The following COL21A1 variants were observed in gnomAD, a reference collection of about 807,000 sequenced individuals.
COL21A1 encodes collagen type XXI alpha 1 chain.
A neutral mutation model predicts 137.9 loss-of-function variants in COL21A1; 149 were observed. The observed-to-expected ratio is 1.08, with a 90% CI of 0.95 to 1.24. The LOEUF (loss-of-function observed/expected upper bound fraction) is 1.24, where lower values mean the gene tolerates loss of function less well. Among genes scored for constraint, COL21A1 ranks in the 50% most tolerant of loss-of-function variants. The pLI is 0.00. For missense variants in COL21A1, 1,167 were observed against 1,158.4 expected, an observed-to-expected ratio of 1.01 and a Z score of -0.11; for synonymous variants, 456 against 391.5, an observed-to-expected ratio of 1.16 and a Z score of -1.95.
At chr6:56,118,301 C>T (rs1194985949) in intron 16 of COL21A1, among the ~76,000 whole-genome samples, 2 of 151,650 alleles carry the variant, frequency 1.3e-5, no homozygotes, top group Non-Finnish European at 2.9e-5. Context: ...CTACTATGAG[C>T]AACTATATGC....
At position 56,057,644 on chromosome 6, in the gene COL21A1, G is replaced by T; in HGVS notation, c.*13C>A. Reference sequence around the variant, plus strand: ...AAGCACCATGCCTAGGCTGCTGAATGAGGCATCAGACACTAATAGTTTGGT... The same window carrying T: ...AAGCACCATGCCTAGGCTGCTGAATTAGGCATCAGACACTAATAGTTTGGT... On this transcript the variant is annotated 3_prime_UTR_variant, in exon 30 of 30. Coordinates refer to ENST00000244728, the MANE Select transcript of COL21A1 (RefSeq NM_030820.4). The T allele has an allele frequency of 6.2e-7, 1 of 1,611,564 alleles. No homozygotes were observed. Among genetic ancestry groups the T allele is most frequent in the Non-Finnish European group, 8.5e-7 (1 of 1,178,788 alleles).
intron 9 of COL21A1, among the ~76,000 whole-genome samples, chr6:56,157,499 TG>T (rs1462208088): frequency 6.6e-6 from 1 of 152,012 alleles, no homozygotes; most frequent in African/African-American, 2.4e-5. Flanking sequence ...TTAGTAGAGA[TG>T]GGGTTTCACC....
chr6:56,081,864 T>C (rs778495635), intron 17 of COL21A1, among the ~76,000 whole-genome samples: 66 of 151,900 alleles, frequency 4.3e-4, no homozygotes, highest in African/African-American at 1.4e-3. Flanking sequence ...GAAAATACTT[T>C]AGCCAATAAA....
intron 1 of COL21A1, among the ~76,000 whole-genome samples, chr6:56,324,207 C>T (rs577688002): frequency 6.6e-6 from 1 of 152,214 alleles, no homozygotes; most frequent in East Asian, 1.9e-4. Flanking sequence ...TGAGGGTTTT[C>T]TCCTTTAACT....
chr6:56,315,648 T>TTCCCTTTTCCTTCCTCCTC (rs1764714243), intron 1 of COL21A1, among the ~76,000 whole-genome samples: 1 of 148,636 alleles, frequency 6.7e-6, no homozygotes, highest in Non-Finnish European at 1.5e-5. Flanking sequence ...CTCCCTCTCC[T>TTCCCTTTTCCTTCCTCCTC]TCCCTCTTCC....
intron 1 of COL21A1, among the ~76,000 whole-genome samples, chr6:56,318,923 A>AAC (rs144220844): frequency 0.025 from 3,687 of 148,654 alleles, 63 homozygotes; most frequent in Admixed American, 0.032. Flanking sequence ...CCTCCCCCCA[A>AAC]ACACACACAC....
At chr6:56,170,385 G>C (rs2152272338) in intron 5 of COL21A1, among the ~76,000 whole-genome samples, 1 of 151,884 alleles carries the variant, frequency 6.6e-6, no homozygotes, top group South Asian at 2.1e-4. Context: ...TTCTTTATTG[G>C]ATGGCTATTA....
intron 20 of COL21A1, among the ~76,000 whole-genome samples, chr6:56,072,960 A>G (rs550400606): frequency 6.6e-6 from 1 of 151,658 alleles, no homozygotes; most frequent in East Asian, 2.0e-4. Context: ...GTGATACTGG[A>G]AATCCTCACT....
At chr6:56,174,613 A>C (rs964927378) in intron 3 of COL21A1, among the ~76,000 whole-genome samples, 4 of 152,224 alleles carry the variant, frequency 2.6e-5, no homozygotes, top group Admixed American at 6.5e-5. Flanking sequence ...ACATGAATAA[A>C]TAGAATATAT....
intron 10 of COL21A1, among the ~76,000 whole-genome samples, chr6:56,150,514 T>TCTCACACACACACA (rs1186958042): frequency 2.2e-5 from 1 of 46,186 alleles, no homozygotes; most frequent in South Asian, 6.7e-4. Flanking sequence ...CGAGACTCCA[T>TCTCACACACACACA]CACACACACA....
In COL21A1 at chr6:56,336,845, A is replaced by C. The variant is rs553306482; in HGVS notation, c.-39+57126T>G. 9.2e-5 allele frequency among the ~76,000 whole-genome samples: 14 copies of C among 152,352 alleles called. No homozygotes were observed. The South Asian group carries it at 2.7e-3, about 29-fold the overall frequency. ...TGCAGTGGGAAAAAGAAATACGTCA[A>C]ACCAGTTATTTGGTACTGTCTAGCC... is the stretch of plus-strand genomic sequence containing the variant. On this transcript the variant is annotated intron_variant, in intron 1 of 28. Transcript: ENST00000370819.
intron 10 of COL21A1, among the ~76,000 whole-genome samples, chr6:56,142,330 G>A (rs1208610796): frequency 1.3e-5 from 2 of 152,158 alleles, no homozygotes; most frequent in Admixed American, 1.3e-4. Context: ...TCAAGAGATT[G>A]GAGGATTAAA....
At chr6:56,321,038 T>C (rs1764853317) in intron 1 of COL21A1, among the ~76,000 whole-genome samples, 1 of 152,102 alleles carries the variant, frequency 6.6e-6, no homozygotes, top group African/African-American at 2.4e-5. Context: ...AAAAAACAAA[T>C]TTTAGACATG....
intron 3 of COL21A1, among the ~76,000 whole-genome samples, chr6:56,176,424 A>AC (rs976587355): frequency 1.1e-4 from 17 of 150,838 alleles, no homozygotes; most frequent in South Asian, 2.1e-4. Flanking sequence ...CTCAGCAACA[A>AC]AAAAAAAACT....
chr6:56,084,717 C>A (rs1042200527), intron 17 of COL21A1, among the ~76,000 whole-genome samples: 1 of 152,010 alleles, frequency 6.6e-6, no homozygotes, highest in Non-Finnish European at 1.5e-5. Context: ...ATTTTCCTCA[C>A]ATTTAAATCA....
chr6:56,384,010 C>G (rs2094013214), intron 1 of COL21A1, among the ~76,000 whole-genome samples: 2 of 152,056 alleles, frequency 1.3e-5, no homozygotes, highest in Non-Finnish European at 2.9e-5. Context: ...TTAGATTAAA[C>G]TAGGCACAAT....
chr6:56,191,323 G>A (rs368265535), intron 1 of COL21A1, among the ~76,000 whole-genome samples: 1 of 151,406 alleles, frequency 6.6e-6, no homozygotes. Context: ...GACAAACAGA[G>A]AGCCAATAAT....
At chr6:56,330,011 C>T (rs1432745613) in intron 1 of COL21A1, among the ~76,000 whole-genome samples, 1 of 152,060 alleles carries the variant, frequency 6.6e-6, no homozygotes, top group Non-Finnish European at 1.5e-5. Flanking sequence ...ATTATCTGCT[C>T]TTCTAAAAGT....
chr6:56,372,561 T>A (rs1020100202), intron 1 of COL21A1, among the ~76,000 whole-genome samples: 1 of 152,170 alleles, frequency 6.6e-6, no homozygotes, highest in African/African-American at 2.4e-5. Context: ...AAGGCAGGAA[T>A]TTCTTGTTTA....
Sources: allele counts gnomAD v4.1 joint callset (sites outside exome capture counted in the v4.1 genomes callset), GRCh38; gene constraint gnomAD v4.1.1; transcripts MANE v1.5; gene names NCBI Gene and HGNC (gene_info 2026-07-23, HGNC 2026-07-21).